GRM8: variants seen among roughly 807,000 people sequenced by gnomAD.
GRM8 encodes the protein metabotropic glutamate receptor 8.
Under a neutral mutation model 87.2 loss-of-function variants are expected in GRM8, and 47 were observed. That is an observed-to-expected ratio of 0.54 (90% confidence interval 0.43 to 0.69). The LOEUF (loss-of-function observed/expected upper bound fraction) is 0.69. Among genes scored for constraint, GRM8 ranks in the 30% least tolerant of loss-of-function variants. GRM8 has a pLI of 0.00. For missense variants in GRM8, 1,019 were observed against 1,139.2 expected (o/e 0.89, Z 1.52); for synonymous variants, 396 against 404.5 (o/e 0.98, Z 0.25).
chr7:126,665,861 G>A (rs1234966055), intron 7 of GRM8, among the ~76,000 whole-genome samples: 2 of 152,014 alleles, frequency 1.3e-5, no homozygotes, highest in Admixed American at 1.3e-4. Flanking sequence ...AGTACTGCAT[G>A]TTTTATTGTT....
At position 126,593,705 on chromosome 7, in the gene GRM8, G is replaced by A. The variant is rs529804032; in HGVS notation, c.1494+15657C>T. 3.3e-5 allele frequency among the ~76,000 whole-genome samples: 5 copies of A among 151,928 alleles called. No homozygotes were observed. The South Asian group carries it at 8.3e-4, about 25-fold the overall frequency. The stretch of plus-strand genomic sequence containing the variant: ...AGGTCTAAGTAATGACTTTTTGGAT[G>A]TGACTCCAAAAGCACAGAAAACAAA... On this transcript the variant is annotated intron_variant, in intron 8 of 10. Coordinates refer to ENST00000339582, the MANE Select transcript of GRM8 (RefSeq NM_000845.3).
chr7:126,915,387 C>T (rs577785613), intron 3 of GRM8, among the ~76,000 whole-genome samples: 2 of 152,216 alleles, frequency 1.3e-5, no homozygotes, highest in African/African-American at 4.8e-5. Context: ...AATCAACAGC[C>T]CCCACACAGA....
chr7:127,035,534 G>A (rs1817769445), intron 3 of GRM8, among the ~76,000 whole-genome samples: 2 of 152,134 alleles, frequency 1.3e-5, no homozygotes, highest in East Asian at 1.9e-4. Context: ...CTCTCCACAA[G>A]GCTATTACTT....
intron 6 of GRM8, among the ~76,000 whole-genome samples, chr7:126,847,740 C>G (rs745779195): frequency 1.2e-4 from 19 of 152,146 alleles, no homozygotes; most frequent in Non-Finnish European, 2.4e-4. Context: ...AGAAGTTAGG[C>G]AACTTTGCAT....
rs550323176 is a variant in GRM8 at position 127,209,971 on chromosome 7, C to T, written c.510+32724G>A. On this transcript the variant is annotated intron_variant, in intron 2 of 10. Coordinates refer to ENST00000339582, the MANE Select transcript of GRM8 (RefSeq NM_000845.3). ...CACCCACTACCCCATACTAGAGAAACCTAGGAGGCTCTCGTGTCCTGGGGA... is the reference window on the plus strand; with the variant it reads ...CACCCACTACCCCATACTAGAGAAATCTAGGAGGCTCTCGTGTCCTGGGGA... 3.3e-5 allele frequency among the ~76,000 whole-genome samples: 5 copies of T among 152,076 alleles called. No homozygotes were observed. The South Asian group carries it at 1.0e-3, about 32-fold the overall frequency.
At chr7:126,859,346 C>G (rs926910622) in intron 6 of GRM8, among the ~76,000 whole-genome samples, 1 of 152,152 alleles carries the variant, frequency 6.6e-6, no homozygotes, top group Non-Finnish European at 1.5e-5. Context: ...TCACCCCACC[C>G]CAGATTCCCA....
intron 2 of GRM8, among the ~76,000 whole-genome samples, chr7:127,169,981 C>G (rs1793692549): frequency 6.6e-6 from 1 of 152,156 alleles, no homozygotes; most frequent in Admixed American, 6.6e-5. Context: ...GATTTTCATG[C>G]CTGCTAACAC....
At chr7:126,841,426 A>G (rs1796260027) in intron 6 of GRM8, among the ~76,000 whole-genome samples, 1 of 152,068 alleles carries the variant, frequency 6.6e-6, no homozygotes, top group Non-Finnish European at 1.5e-5. Context: ...GTGGCCTCAG[A>G]GAGTGGGGTA....
chr7:126,473,936 T>A (rs901432365), intron 9 of GRM8, among the ~76,000 whole-genome samples: 1 of 152,132 alleles, frequency 6.6e-6, no homozygotes, highest in African/African-American at 2.4e-5. Context: ...ATGATTGTGA[T>A]GCCTCCCAAG....
intron 6 of GRM8, among the ~76,000 whole-genome samples, chr7:126,864,624 TAA>T (rs1392261133): frequency 6.6e-6 from 1 of 152,234 alleles, no homozygotes; most frequent in Non-Finnish European, 1.5e-5. Flanking sequence ...TATATAGCTT[TAA>T]GTCTATACCT....
intron 3 of GRM8, among the ~76,000 whole-genome samples, chr7:126,939,393 A>C (rs1317846741): frequency 1.3e-5 from 2 of 152,232 alleles, no homozygotes; most frequent in Non-Finnish European, 2.9e-5. Context: ...ATATTGGACA[A>C]GTCTCCACAT....
intron 3 of GRM8, among the ~76,000 whole-genome samples, chr7:126,983,143 A>C (rs910305423): frequency 2.6e-5 from 4 of 152,050 alleles, no homozygotes; most frequent in African/African-American, 4.8e-5. Flanking sequence ...GTTCAAAGGA[A>C]TCATTGTTGT....
chr7:126,880,468 C>T (rs994918697), intron 6 of GRM8, among the ~76,000 whole-genome samples: 44 of 152,232 alleles, frequency 2.9e-4, no homozygotes, highest in Admixed American at 7.2e-4. Context: ...CCTCTTAGGA[C>T]TTAAAGTGCT....
chr7:126,930,719 C>T (rs1805674967), intron 3 of GRM8, among the ~76,000 whole-genome samples: 1 of 152,158 alleles, frequency 6.6e-6, no homozygotes, highest in Admixed American at 6.5e-5. Flanking sequence ...GCTGATAATT[C>T]CTATCAATTA....
At chr7:126,686,677 C>T (rs559353192) in intron 7 of GRM8, among the ~76,000 whole-genome samples, 3 of 152,262 alleles carry the variant, frequency 2.0e-5, no homozygotes, top group African/African-American at 4.8e-5. Context: ...CACACTCACT[C>T]ACACTCACCA....
At chr7:127,038,856 T>C (rs1006868227) in intron 3 of GRM8, among the ~76,000 whole-genome samples, 2 of 152,186 alleles carry the variant, frequency 1.3e-5, no homozygotes, top group African/African-American at 4.8e-5. Context: ...TGACAGTGGA[T>C]AGTGAATTCA....
At chr7:127,018,004 C>T (rs1182284858) in intron 3 of GRM8, among the ~76,000 whole-genome samples, 7 of 152,018 alleles carry the variant, frequency 4.6e-5, no homozygotes, top group Non-Finnish European at 7.4e-5. Flanking sequence ...CCGTGTTAGA[C>T]ACTGGGGCAA....
chr7:126,988,413 T>C (rs563721441), intron 3 of GRM8, among the ~76,000 whole-genome samples: 1 of 152,238 alleles, frequency 6.6e-6, no homozygotes, highest in Admixed American at 6.5e-5. Flanking sequence ...TTCTAAAATG[T>C]CTCCTATTTT....
At chr7:127,111,910 C>T (rs976646077) in intron 2 of GRM8, among the ~76,000 whole-genome samples, 2 of 151,988 alleles carry the variant, frequency 1.3e-5, no homozygotes, top group Non-Finnish European at 2.9e-5. Context: ...CACCTGTAAT[C>T]CCAGCTACTC....
Sources: gnomAD v4.1 joint callset for allele counts (sites outside exome capture counted in the v4.1 genomes callset) on GRCh38, gnomAD v4.1.1 for gene constraint, MANE v1.5 for transcripts, NCBI Gene and HGNC (gene_info 2026-07-23, HGNC 2026-07-21) for gene names.